Variants in XKR9 observed in about 807,000 individuals in gnomAD.
XKR9 encodes the protein XK-related protein 9.
A neutral mutation model predicts 32.0 loss-of-function variants in XKR9; 32 were observed. That is an observed-to-expected ratio of 1.00 (90% CI 0.76 to 1.34). The LOEUF is 1.34. XKR9 is among the 40% of genes most tolerant of loss of function. The probability of loss-of-function intolerance (pLI) is 0.00; values close to 1 mark genes in which losing one functional copy is unlikely to be tolerated. For synonymous variants in XKR9, 168 were observed against 143.4 expected, an observed-to-expected ratio of 1.17 and a Z score of -1.22; for missense variants, 546 against 429.7, an observed-to-expected ratio of 1.27 and a Z score of -2.39.
At chr8:70,966,645 C>T in the XKR9 span, among the ~76,000 whole-genome samples, 1 of 152,154 alleles carries the variant, frequency 6.6e-6, no homozygotes, top group African/African-American at 2.4e-5. Context: ...CTGCTTGATA[C>T]AGAGCAGAGT....
the XKR9 span, among the ~76,000 whole-genome samples, chr8:70,813,124 T>G: frequency 1.3e-5 from 2 of 152,086 alleles, no homozygotes; most frequent in Non-Finnish European, 2.9e-5. Context: ...AACAGAGCCC[T>G]CAGAAATAAT....
intron 2 of XKR9, among the ~76,000 whole-genome samples, chr8:70,751,132 GTTA>G (rs891859661): frequency 3.3e-5 from 5 of 152,080 alleles, no homozygotes; most frequent in Non-Finnish European, 5.9e-5. Context: ...AATTGTGATA[GTTA>G]TTATTATTTT....
At chr8:70,905,196 A>G in the XKR9 span, among the ~76,000 whole-genome samples, 4 of 151,154 alleles carry the variant, frequency 2.6e-5, no homozygotes, top group African/African-American at 9.7e-5. Flanking sequence ...GTTCTCCTGG[A>G]TAAAATCCTG....
the XKR9 span, among the ~76,000 whole-genome samples, chr8:70,847,305 AAC>A: frequency 6.6e-6 from 1 of 152,044 alleles, no homozygotes; most frequent in Admixed American, 6.6e-5. Context: ...TGAAAATGGA[AAC>A]ACAATTTGCC....
the XKR9 span, among the ~76,000 whole-genome samples, chr8:70,820,336 T>C: frequency 6.6e-6 from 1 of 152,148 alleles, no homozygotes; most frequent in Non-Finnish European, 1.5e-5. Context: ...TGAAGATAGG[T>C]AATTTATAAA....
At chr8:70,940,551 T>C in the XKR9 span, among the ~76,000 whole-genome samples, 23 of 152,214 alleles carry the variant, frequency 1.5e-4, no homozygotes, top group African/African-American at 5.5e-4. Context: ...AGATAATATA[T>C]GTAAAGTATA....
At chr8:70,823,016 C>A in the XKR9 span, among the ~76,000 whole-genome samples, 1 of 152,068 alleles carries the variant, frequency 6.6e-6, no homozygotes, top group African/African-American at 2.4e-5. Flanking sequence ...TCCACCTATC[C>A]ATCAGTACTT....
chr8:70,875,228 T>A, the XKR9 span, among the ~76,000 whole-genome samples: 1 of 152,196 alleles, frequency 6.6e-6, no homozygotes, highest in Non-Finnish European at 1.5e-5. Flanking sequence ...CACTAGTTTC[T>A]CTACAAGATC....
At chr8:71,016,138 A>G in the XKR9 span, among the ~76,000 whole-genome samples, 1 of 152,166 alleles carries the variant, frequency 6.6e-6, no homozygotes, top group Non-Finnish European at 1.5e-5. Context: ...AGGAAAAAAT[A>G]TAATAGCAAT....
chr8:70,879,691 G>A, the XKR9 span, among the ~76,000 whole-genome samples: 28 of 151,952 alleles, frequency 1.8e-4, 2 homozygotes, highest in East Asian at 3.9e-4. Context: ...AAAAAAAAGC[G>A]CAGGACCAGA....
At chr8:70,737,088 T>C (rs1259262270), downstream of XKR9, among the ~76,000 whole-genome samples, 2 of 151,500 alleles carry the variant, frequency 1.3e-5, no homozygotes, top group Non-Finnish European at 3.0e-5. Context: ...TATTGATTCT[T>C]CCTATCCATG....
At chr8:71,034,353 G>T in the XKR9 span, among the ~76,000 whole-genome samples, 1 of 152,074 alleles carries the variant, frequency 6.6e-6, no homozygotes, top group Non-Finnish European at 1.5e-5. Context: ...AGACATGTTT[G>T]CTTCCCTTTC....
At chr8:70,970,488 G>A in the XKR9 span, among the ~76,000 whole-genome samples, 1 of 151,976 alleles carries the variant, frequency 6.6e-6, no homozygotes, top group Non-Finnish European at 1.5e-5. Context: ...CCCCCAACAG[G>A]CCCCAGTGTG....
the XKR9 span, among the ~76,000 whole-genome samples, chr8:70,898,039 T>C: frequency 2.6e-5 from 4 of 152,222 alleles, no homozygotes; most frequent in Non-Finnish European, 5.9e-5. Context: ...AGTTTCATAG[T>C]TTGAGGTCTT....
chr8:71,052,866 C>G, the XKR9 span, among the ~76,000 whole-genome samples: 1 of 152,202 alleles, frequency 6.6e-6, no homozygotes, highest in Non-Finnish European at 1.5e-5. Context: ...CTGCTCTGAA[C>G]AGGCTGGGAC....
chr8:70,745,318 TG>T (rs1807044086), intron 2 of XKR9, among the ~76,000 whole-genome samples: 1 of 152,224 alleles, frequency 6.6e-6, no homozygotes, highest in Non-Finnish European at 1.5e-5. Context: ...AACTAAATTT[TG>T]GGCTTTTTCT....
the XKR9 span, among the ~76,000 whole-genome samples, chr8:70,904,583 G>A: frequency 0.37 from 55,819 of 152,012 alleles, 12,664 homozygotes; most frequent in Non-Finnish European, 0.52. Flanking sequence ...CAATTTGCCA[G>A]TCTGTGTTTT....
chr8:71,023,740 G>A, the XKR9 span, among the ~76,000 whole-genome samples: 34 of 152,152 alleles, frequency 2.2e-4, no homozygotes, highest in Non-Finnish European at 1.2e-4. Flanking sequence ...GCTGGTGTTG[G>A]TGGTAGTTGT....
At chr8:70,822,406 T>G in the XKR9 span, among the ~76,000 whole-genome samples, 4 of 152,022 alleles carry the variant, frequency 2.6e-5, no homozygotes, top group South Asian at 8.3e-4. Context: ...AAAACAGGAA[T>G]ATATGTGGTT....
Sources: allele counts gnomAD v4.1 joint callset (sites outside exome capture counted in the v4.1 genomes callset), GRCh38; gene constraint gnomAD v4.1.1; transcripts MANE v1.5; gene names NCBI Gene and HGNC (gene_info 2026-07-23, HGNC 2026-07-21).